The following CHRNA5 variants were observed in gnomAD, a reference collection of about 807,000 sequenced individuals.
The protein encoded by CHRNA5 is cholinergic receptor nicotinic alpha 5 subunit, also known as neuronal acetylcholine receptor subunit alpha-5.
A neutral mutation model predicts 41.2 loss-of-function variants in CHRNA5; 28 were observed. The ratio of observed to expected loss-of-function variants is 0.68; its 90% confidence interval spans 0.50 to 0.93. The LOEUF (loss-of-function observed/expected upper bound fraction) is 0.93, where lower values mean the gene tolerates loss of function less well. Among genes scored for constraint, CHRNA5 ranks in the 40% least tolerant of loss-of-function variants. The pLI, the probability that CHRNA5 is intolerant of heterozygous loss-of-function variation, is 0.00. For synonymous variants in CHRNA5, 188 were observed against 205.8 expected (o/e 0.91, Z 0.74); for missense variants, 481 against 581.9 (o/e 0.83, Z 1.78).
At chr15:78,580,699 C>G (rs549684716) in intron 1 of CHRNA5, 112 bp from the exon 2 acceptor site, 2 of 788,516 alleles carry the variant, frequency 2.5e-6, no homozygotes, top group African/African-American at 1.8e-5. Flanking sequence ...TGCAGTGGCC[C>G]GATCTTGGCT....
intron 2 of CHRNA5, among the ~76,000 whole-genome samples, chr15:78,581,447 T>C (rs1307459845): frequency 1.3e-5 from 2 of 152,168 alleles, no homozygotes; most frequent in Non-Finnish European, 2.9e-5. Context: ...CTTGATAAAT[T>C]GTACTTATTG....
chr15:78,593,062 T>C, intron 5 of CHRNA5, 30 bp from the exon 6 acceptor site: 2 of 1,594,640 alleles, frequency 1.3e-6, no homozygotes, highest in Non-Finnish European at 1.7e-6. Flanking sequence ...TTTACAATTA[T>C]TTAATGCATT....
At chr15:78,590,063 A>T in exon 5 of CHRNA5, 2 of 1,614,234 alleles carry the variant, frequency 1.2e-6, no homozygotes, top group Non-Finnish European at 1.7e-6. Flanking sequence ...TGAGTGCAAC[A>T]GGGAGCAAAG....
chr15:78,579,593 T>C (rs2052891716), intron 1 of CHRNA5, among the ~76,000 whole-genome samples: 1 of 152,216 alleles, frequency 6.6e-6, no homozygotes, highest in Non-Finnish European at 1.5e-5. Flanking sequence ...CTTGATTCTT[T>C]ATCCTCAGTA....
At chr15:78,572,026 A>G (rs2052810418) in intron 1 of CHRNA5, among the ~76,000 whole-genome samples, 1 of 152,134 alleles carries the variant, frequency 6.6e-6, no homozygotes, top group South Asian at 2.1e-4. Context: ...CTAACTTATA[A>G]AAAGATGCAA....
chr15:78,569,971 C>T (rs948136103), intron 1 of CHRNA5, among the ~76,000 whole-genome samples: 1 of 151,762 alleles, frequency 6.6e-6, no homozygotes, highest in African/African-American at 2.4e-5. Flanking sequence ...AGGCATGTGC[C>T]ACCATGCCTG....
At position 78,571,253 on chromosome 15, in the gene CHRNA5, A is replaced by G. The variant is rs577258909; in HGVS notation, c.106+5428A>G. Among the ~76,000 whole-genome samples, 9 of 152,380 alleles carry G rather than the reference A, an allele frequency of 5.9e-5. 1 individual carries two copies. Among genetic ancestry groups the G allele is most frequent in the African/African-American group, 2.2e-4 (9 of 41,594 alleles). On this transcript the variant is annotated intron_variant, in intron 1 of 5. Coordinates refer to ENST00000299565, the Ensembl canonical transcript of CHRNA5. ...AAGTAATTATGGAAATAGTGAATTT[A>G]CAATGAATTGTAGCCCAAACAATGT... is the stretch of plus-strand genomic sequence containing the variant.
chr15:78,572,876 C>T (rs1402708404), intron 1 of CHRNA5, among the ~76,000 whole-genome samples: 4 of 152,082 alleles, frequency 2.6e-5, no homozygotes, highest in South Asian at 2.1e-4. Context: ...AATATCTACA[C>T]GTCAAACTTA....
chr15:78,575,380 A>G (rs2052847631), intron 1 of CHRNA5, among the ~76,000 whole-genome samples: 1 of 151,210 alleles, frequency 6.6e-6, no homozygotes, highest in Admixed American at 6.6e-5. Context: ...ATCCCATTTA[A>G]TTTTTTTTTG....
chr15:78,584,532 C>A (rs776223670), intron 2 of CHRNA5, among the ~76,000 whole-genome samples: 4 of 152,150 alleles, frequency 2.6e-5, no homozygotes, highest in Non-Finnish European at 5.9e-5. Context: ...GGCGGTATCC[C>A]TTATGGTAAT....
In CHRNA5 at chr15:78,570,748, C is replaced by T. The variant is rs189205498; in HGVS notation, c.106+4923C>T. On this transcript the variant is annotated intron_variant, in intron 1 of 5. Transcript: ENST00000299565. ...TGGTTTTATTTTCATTTTTATTTTACATTCAACTGTATGTATGGAATTAGG... is the reference window on the plus strand; with the variant it reads ...TGGTTTTATTTTCATTTTTATTTTATATTCAACTGTATGTATGGAATTAGG... Among the ~76,000 whole-genome samples, 48 of 152,222 alleles carry T rather than the reference C, an allele frequency of 3.2e-4. No individual in the cohort carries two copies. The East Asian group carries it at 6.4e-3, about 20-fold the overall frequency.
chr15:78,583,409 G>T (rs1016554514), intron 2 of CHRNA5, among the ~76,000 whole-genome samples: 6 of 152,132 alleles, frequency 3.9e-5, no homozygotes, highest in Non-Finnish European at 8.8e-5. Context: ...GAAAAATACT[G>T]TCGGCCGGGC....
At chr15:78,595,096 T>G (rs12899226) in exon 6 of CHRNA5, 5,219 of 158,372 alleles carry the variant, frequency 0.033, 125 homozygotes, top group Non-Finnish European at 0.051. Context: ...GGAGACCCTA[T>G]CTAATTTGCA....
At chr15:78,569,856 T>C (rs1364779872) in intron 1 of CHRNA5, among the ~76,000 whole-genome samples, 1 of 152,070 alleles carries the variant, frequency 6.6e-6, no homozygotes, top group East Asian at 1.9e-4. Flanking sequence ...AGTCTCACTC[T>C]GTCGCCCAGG....
At chr15:78,582,788 A>G (rs777452495) in intron 2 of CHRNA5, among the ~76,000 whole-genome samples, 3 of 152,214 alleles carry the variant, frequency 2.0e-5, no homozygotes, top group Non-Finnish European at 4.4e-5. Flanking sequence ...GCCTTCCTGT[A>G]CAGCTGTTTA....
At chr15:78,571,130 T>C (rs667282) in intron 1 of CHRNA5, among the ~76,000 whole-genome samples, 44,267 of 152,112 alleles carry the variant, frequency 0.29, 7,226 homozygotes, top group Admixed American at 0.48. Context: ...TCCCAGGTGA[T>C]GTGAATACTG....
At chr15:78,591,031 T>C (rs1008036784) in intron 5 of CHRNA5, 8 of 189,568 alleles carry the variant, frequency 4.2e-5, no homozygotes, top group African/African-American at 1.2e-4. Context: ...TAAATTGTGA[T>C]AATCTGTAGG....
intron 5 of CHRNA5, among the ~76,000 whole-genome samples, chr15:78,591,678 TAATTTCAATAAGACTTTCC>T (rs2053016691): frequency 6.6e-6 from 1 of 152,122 alleles, no homozygotes; most frequent in Admixed American, 6.5e-5. Flanking sequence ...GTTAATGATT[TAATTTCAATAAGACTTTCC>T]TTCCTTATTT....
exon 5 of CHRNA5, chr15:78,590,027 T>C: frequency 1.9e-6 from 3 of 1,614,192 alleles, no homozygotes; most frequent in Non-Finnish European, 2.5e-6. Context: ...AGAGAGATTT[T>C]TTTGATAATG....
Sources: allele counts gnomAD v4.1 joint callset (sites outside exome capture counted in the v4.1 genomes callset), GRCh38; gene constraint gnomAD v4.1.1; transcripts MANE v1.5; gene names NCBI Gene and HGNC (gene_info 2026-07-23, HGNC 2026-07-21).